RPGRIP1L: variants seen among roughly 807,000 people sequenced by gnomAD.
RPGRIP1L encodes RPGRIP1 like, also known as protein fantom.
Under a neutral mutation model 160.4 loss-of-function variants are expected in RPGRIP1L, and 131 were observed. The observed-to-expected ratio is 0.82, with a 90% CI of 0.71 to 0.94. The LOEUF (loss-of-function observed/expected upper bound fraction) is 0.94, where lower values mean the gene tolerates loss of function less well. Among genes scored for constraint, RPGRIP1L ranks in the 40% least tolerant of loss-of-function variants. RPGRIP1L has a pLI of 0.00. For synonymous variants in RPGRIP1L, 510 were observed against 515.8 expected (o/e 0.99, Z 0.15); for missense variants, 1,522 against 1,535.8 (o/e 0.99, Z 0.15).
At position 53,648,941 on chromosome 16, in the gene RPGRIP1L, G is replaced by A. The variant is rs368533589; in HGVS notation, c.2304+23C>T. On this transcript the variant is annotated intron_variant, in intron 16 of 26. Coordinates refer to ENST00000647211, the MANE Select transcript of RPGRIP1L (RefSeq NM_015272.5). Reference sequence around the variant, plus strand: ...TATAAAATTTCTATGTCATAAAAGGGTCTTAAAGCCAAATGAGCTTACCGA... The same window carrying A: ...TATAAAATTTCTATGTCATAAAAGGATCTTAAAGCCAAATGAGCTTACCGA... 85 of 1,604,356 alleles carry A rather than the reference G, an allele frequency of 5.3e-5. No individual in the cohort carries two copies. In the African/African-American group the frequency reaches 7.9e-4, roughly 15 times the overall value.
chr16:53,610,871 C>T (rs767581506), intron 25 of RPGRIP1L, 96 bp downstream of exon 25: 40 of 991,950 alleles, frequency 4.0e-5, no homozygotes, highest in Admixed American at 1.8e-4. Flanking sequence ...CCCCGATGTT[C>T]GGCTTCCTCA....
At chr16:53,648,568 A>C (rs1288208114) in intron 16 of RPGRIP1L, among the ~76,000 whole-genome samples, 2 of 152,022 alleles carry the variant, frequency 1.3e-5, no homozygotes, top group African/African-American at 2.4e-5. Context: ...GAATCTATAC[A>C]TGTGATAAAA....
At position 53,658,862 on chromosome 16, in the gene RPGRIP1L, G is replaced by A. The variant is rs760245904; in HGVS notation, c.1260C>T (p.Leu420=). ...LKTERDQNEK[L]VQENRELQLQ... is the part of the protein sequence containing the mutation. ...ACTGTAGTTCTCTATTCTCTTGAAC[G>A]AGTTTTTCATTTTGATCTTAAAAAT... The change falls in exon 11 of 27, where the codon CTC becomes CTT. Residue 420 remains leucine (L), a synonymous_variant. Transcript: ENST00000647211. 26 of 1,598,598 alleles carry A rather than the reference G, an allele frequency of 1.6e-5. 2 individuals are homozygous for A. The Admixed American group carries it at 3.1e-4, about 19-fold the overall frequency.
intron 22 of RPGRIP1L, among the ~76,000 whole-genome samples, chr16:53,625,090 C>A (rs948682022): frequency 2.0e-4 from 30 of 152,130 alleles, no homozygotes; most frequent in African/African-American, 7.0e-4. Context: ...GGCTGGAGTG[C>A]AGTGGCGTGA....
intron 3 of RPGRIP1L, chr16:53,695,082 A>C (rs1323163820): frequency 4.4e-6 from 2 of 458,318 alleles, no homozygotes; most frequent in Non-Finnish European, 7.7e-6. Flanking sequence ...CTCATTATTC[A>C]GTTGTTTTTT....
At chr16:53,663,508 G>T (rs1181782466) in intron 10 of RPGRIP1L, among the ~76,000 whole-genome samples, 1 of 151,886 alleles carries the variant, frequency 6.6e-6, no homozygotes, top group Non-Finnish European at 1.5e-5. Context: ...AAAGAGAGAG[G>T]GAATATAGAG....
intron 24 of RPGRIP1L, among the ~76,000 whole-genome samples, chr16:53,615,872 C>T (rs760033088): frequency 3.3e-5 from 5 of 152,174 alleles, no homozygotes; most frequent in African/African-American, 7.2e-5. Context: ...GCTGGGATTA[C>T]AGGTGTGAGC....
chr16:53,630,421 T>C (rs762397063), intron 22 of RPGRIP1L, among the ~76,000 whole-genome samples: 5 of 152,268 alleles, frequency 3.3e-5, no homozygotes, highest in African/African-American at 7.2e-5. Context: ...AAGAGTGTAA[T>C]AGGAGAAAAC....
At chr16:53,621,587 G>C (rs1454164740) in intron 23 of RPGRIP1L, among the ~76,000 whole-genome samples, 1 of 151,732 alleles carries the variant, frequency 6.6e-6, no homozygotes, top group Admixed American at 6.6e-5. Context: ...ATCCTAAAAG[G>C]GGTACATTTT....
Position 53,602,155 on chromosome 16 carries a change from C to A in RPGRIP1L, c.3869G>T (p.Gly1290Val). The stretch of plus-strand genomic sequence containing the variant: ...AGCTTCGACTGTTACCCTGAGCTTG[C>A]CAATACCTTCACCATCTGCTCGTGC... ...FDARADGEGI[G>V]KLRVTVEALH... Residue 1290 changes from glycine (G) to valine (V), a missense_variant, in exon 27 of 27, where the codon GGC becomes GTC. By Grantham distance (109) the Gly-to-Val change is moderately radical. Coordinates refer to ENST00000647211, the MANE Select transcript of RPGRIP1L (RefSeq NM_015272.5). 6.2e-7 allele frequency: 1 copy of A among 1,613,698 alleles called. No individual in the cohort carries two copies. Among genetic ancestry groups the A allele is most frequent in the South Asian group, 1.1e-5 (1 of 91,058 alleles).
At chr16:53,609,858 A>G (rs1269384726) in intron 25 of RPGRIP1L, among the ~76,000 whole-genome samples, 1 of 152,198 alleles carries the variant, frequency 6.6e-6, no homozygotes, top group African/African-American at 2.4e-5. Flanking sequence ...AAGCTATATT[A>G]TCAGATCCTG....
At position 53,601,280 on chromosome 16, in the gene RPGRIP1L, ATTTC is replaced by A. The variant is rs748868330; in HGVS notation, c.*792_*795del. ...CAGAATTTGAGTTATACTTTTCATAATTTCTTTCTGTGTCATATACTAAGTTTTC... is the reference window on the plus strand; with the variant it reads ...CAGAATTTGAGTTATACTTTTCATAATTTCTGTGTCATATACTAAGTTTTC... On this transcript the variant is annotated 3_prime_UTR_variant, in exon 27 of 27. Transcript: ENST00000647211. The A allele has an allele frequency of 6.6e-6, 1 of 152,344 alleles. No homozygotes were observed. The highest frequency in any genetic ancestry group is 1.5e-5 in the Non-Finnish European group (1 of 68,022). The allele number at this position is 152,344 out of a possible 1,614,324, so 9.4% of individuals were successfully genotyped here.
intron 22 of RPGRIP1L, among the ~76,000 whole-genome samples, chr16:53,623,320 C>T (rs1357400528): frequency 1.3e-5 from 2 of 152,126 alleles, no homozygotes; most frequent in Non-Finnish European, 2.9e-5. Flanking sequence ...ACAGTAGGGA[C>T]TATTAGATTG....
Position 53,677,305 on chromosome 16 carries a change from T to TATAATGTTGTACTTCAAATA in RPGRIP1L, c.777-2184_777-2183insTATTTGAAGTACAACATTAT, listed in dbSNP as rs1299803116. ...AACAATACCTTAAGTAACAACGTGG[T>TATAATGTTGTACTTCAAATA]ATAATAATGTTGTACTTCAAATAAA... is the stretch of plus-strand genomic sequence containing the variant. On this transcript the variant is annotated intron_variant, in intron 6 of 26. Transcript: ENST00000647211. 3.3e-5 allele frequency among the ~76,000 whole-genome samples: 5 copies of TATAATGTTGTACTTCAAATA among 152,328 alleles called. No individual in the cohort carries two copies. The East Asian group carries it at 9.6e-4, about 29-fold the overall frequency.
Position 53,657,573 on chromosome 16 carries a change from A to C in RPGRIP1L, c.1461T>G (p.Ile487Met). 1.2e-6 allele frequency: 2 copies of C among 1,602,222 alleles called. No homozygotes were observed. Among genetic ancestry groups the C allele is most frequent in the Non-Finnish European group, 1.7e-6 (2 of 1,170,764 alleles). The part of the protein sequence containing the change: ...LSFLVKVDSE[I>M]NKDLERSMRE... ...TCATAGAGCGTTCTAGATCTTTATTAATTTCACTATCTACTTTCACTAAAA... is the reference window on the plus strand; with the variant it reads ...TCATAGAGCGTTCTAGATCTTTATTCATTTCACTATCTACTTTCACTAAAA... The change falls in exon 13 of 27, where the codon ATT (isoleucine) becomes ATG (methionine). Residue 487 changes from isoleucine (I) to methionine (M), a missense_variant. Ile to Met is a conservative substitution (Grantham distance 10). Transcript: ENST00000647211.
intron 20 of RPGRIP1L, among the ~76,000 whole-genome samples, 176 bp downstream of exon 20, chr16:53,638,134 A>G (rs946702867): frequency 2.6e-5 from 4 of 152,162 alleles, no homozygotes; most frequent in African/African-American, 9.6e-5. Flanking sequence ...TTACCTGTCA[A>G]TAGCAGTATA....
chr16:53,651,078 T>G (rs528566174), intron 15 of RPGRIP1L, among the ~76,000 whole-genome samples: 1 of 152,230 alleles, frequency 6.6e-6, no homozygotes, highest in Non-Finnish European at 1.5e-5. Context: ...GGATGTCTAA[T>G]AGGCGGGTCA....
Position 53,619,149 on chromosome 16 carries a change from G to T in RPGRIP1L, c.3492C>A (p.Thr1164=). The T allele has an allele frequency of 4.3e-6, 7 of 1,613,882 alleles. No individual in the cohort carries two copies. The highest frequency in any genetic ancestry group is 5.9e-6 in the Non-Finnish European group (7 of 1,179,958). ...ACAGCCGTTGGATAGTGTCATCCAT[G>T]GTTACTTGAGAATCATTAAGGCTTA... is the stretch of plus-strand genomic sequence containing the variant. The part of the protein sequence containing the change: ...IALSLNDSQV[T]MDDTIQRLFV... The change falls in exon 24 of 27, where the codon ACC becomes ACA. Residue 1164 remains threonine (T), a synonymous_variant. Coordinates refer to ENST00000647211, the MANE Select transcript of RPGRIP1L (RefSeq NM_015272.5).
rs764289143 is a variant in RPGRIP1L at position 53,652,591 on chromosome 16, T to C, written c.2096A>G (p.Lys699Arg). ...EYETIAACQL[K>R]FHEILEKSGR... ...GCTTTTTTCAAGAATTTCGTGAAAT[T>C]TTAATTGACATGCTGCAATTGTTTC... The change falls in exon 15 of 27, where the codon AAA becomes AGA. Residue 699 changes from lysine to arginine, a missense_variant. Transcript: ENST00000647211. 2.5e-6 allele frequency: 4 copies of C among 1,614,038 alleles called. No homozygotes were observed. The highest frequency in any genetic ancestry group is 1.7e-5 in the Admixed American group (1 of 59,992).
Sources: gnomAD v4.1 joint callset for allele counts (sites outside exome capture counted in the v4.1 genomes callset) on GRCh38, gnomAD v4.1.1 for gene constraint, MANE v1.5 for transcripts, NCBI Gene and HGNC (gene_info 2026-07-23, HGNC 2026-07-21) for gene names.